The following RARB variants were observed in gnomAD, a reference collection of about 807,000 sequenced individuals.
RARB encodes the protein HBV-activated protein.
RARB carries 17 observed loss-of-function variants against 51.9 expected under a neutral mutation model. That is an observed-to-expected ratio of 0.33 (90% CI 0.22 to 0.49). RARB has a LOEUF of 0.49. Among genes scored for constraint, RARB ranks in the 20% least tolerant of loss-of-function variants. The pLI is 0.99. For synonymous variants in RARB, 215 were observed against 195.4 expected, an observed-to-expected ratio of 1.10 and a Z score of -0.84; for missense variants, 369 against 550.8, an observed-to-expected ratio of 0.67 and a Z score of 3.30.
intron 5 of RARB, among the ~76,000 whole-genome samples, chr3:25,407,155 C>T (rs1242194260): frequency 4.6e-5 from 7 of 152,268 alleles, no homozygotes; most frequent in East Asian, 3.9e-4. Context: ...AAAATGGCTT[C>T]GGCAGTTCCC....
intron 2 of RARB, among the ~76,000 whole-genome samples, chr3:24,950,769 A>T (rs1453179376): frequency 3.9e-5 from 6 of 152,112 alleles, no homozygotes; most frequent in Non-Finnish European, 5.9e-5. Context: ...TATAAATATT[A>T]TATAAGAGCT....
At chr3:24,966,949 C>T (rs895764425) in intron 2 of RARB, among the ~76,000 whole-genome samples, 9 of 152,088 alleles carry the variant, frequency 5.9e-5, no homozygotes, top group African/African-American at 1.9e-4. Context: ...ATACTTGGCT[C>T]GTCCTGGAAA....
At chr3:25,448,899 A>G (rs185507954) in intron 1 of RARB, among the ~76,000 whole-genome samples, 1 of 152,026 alleles carries the variant, frequency 6.6e-6, no homozygotes, top group East Asian at 1.9e-4. Context: ...CACCCCCGCA[A>G]TCCCCAGACA....
At chr3:25,172,694 C>G (rs1700668008) in intron 4 of RARB, among the ~76,000 whole-genome samples, 2 of 152,228 alleles carry the variant, frequency 1.3e-5, no homozygotes, top group South Asian at 4.2e-4. Flanking sequence ...CCCAAAACCT[C>G]TTGTCTATTC....
chr3:25,148,419 A>T (rs538726882), intron 4 of RARB, among the ~76,000 whole-genome samples: 1 of 152,342 alleles, frequency 6.6e-6, no homozygotes, highest in African/African-American at 2.4e-5. Context: ...TCATTGGATC[A>T]GGGGATTCTA....
intron 2 of RARB, among the ~76,000 whole-genome samples, chr3:24,878,386 C>T (rs756811919): frequency 6.6e-6 from 1 of 150,578 alleles, no homozygotes; most frequent in Non-Finnish European, 1.5e-5. Flanking sequence ...TGCTTGTTTT[C>T]GTTTCTCTTA....
In RARB at chr3:25,154,784, C is replaced by CA. The variant is rs1700347522; in HGVS notation, c.-279-19333dup. Among the ~76,000 whole-genome samples, 4 of 152,206 alleles carry CA rather than the reference C, an allele frequency of 2.6e-5. No homozygotes were observed. In the South Asian group the frequency reaches 8.3e-4, roughly 32 times the overall value. On this transcript the variant is annotated intron_variant, in intron 4 of 11. Transcript: ENST00000383772. ...GCCCAGTTCAGTTGTCACCTTTCCC[C>CA]AACCAGTCCTTTGTTGGCTAGGTGT... is the stretch of plus-strand genomic sequence containing the variant.
intron 2 of RARB, among the ~76,000 whole-genome samples, chr3:24,977,776 A>G (rs768378230): frequency 1.3e-4 from 20 of 152,160 alleles, no homozygotes; most frequent in Non-Finnish European, 2.9e-4. Context: ...CCTGGCCAGG[A>G]CTTCCAACAT....
At chr3:25,190,124 T>C (rs1701064715) in intron 5 of RARB, among the ~76,000 whole-genome samples, 1 of 151,938 alleles carries the variant, frequency 6.6e-6, no homozygotes, top group South Asian at 2.1e-4. Flanking sequence ...TATGAAGAAA[T>C]AAAGGTAAAT....
At chr3:24,958,952 C>A (rs1575091759) in intron 2 of RARB, among the ~76,000 whole-genome samples, 1 of 152,300 alleles carries the variant, frequency 6.6e-6, no homozygotes. Context: ...GGAGGGGGAT[C>A]ACACAGGTGA....
intron 2 of RARB, among the ~76,000 whole-genome samples, chr3:25,480,213 T>C (rs1696158297): frequency 6.6e-6 from 1 of 152,240 alleles, no homozygotes; most frequent in Non-Finnish European, 1.5e-5. Context: ...TAATAACATG[T>C]GAGCACTGGA....
intron 2 of RARB, among the ~76,000 whole-genome samples, chr3:24,906,896 C>A (rs1694879854): frequency 6.9e-6 from 1 of 144,980 alleles, no homozygotes; most frequent in Admixed American, 6.9e-5. Context: ...TCATATGAGT[C>A]AAATCACAAG....
intron 2 of RARB, among the ~76,000 whole-genome samples, chr3:25,023,996 G>A (rs1477005338): frequency 6.6e-6 from 1 of 152,062 alleles, no homozygotes; most frequent in Non-Finnish European, 1.5e-5. Context: ...TCCATATGTT[G>A]TTTTCTACAT....
chr3:25,469,463 A>G lies in RARB; in HGVS notation c.306+8122A>G, dbSNP rs567778133. ...CCCAAAGAACAAAATAACATATCCA[A>G]AACAATAACAAAAACAGGACACTCT... On this transcript the variant is annotated intron_variant, in intron 2 of 7. Transcript: ENST00000330688. 5.9e-5 allele frequency among the ~76,000 whole-genome samples: 9 copies of G among 152,300 alleles called. No individual in the cohort carries two copies. The South Asian group carries it at 1.9e-3, about 32-fold the overall frequency.
chr3:25,249,124 C>A (rs1386940015), intron 5 of RARB, among the ~76,000 whole-genome samples: 1 of 151,726 alleles, frequency 6.6e-6, no homozygotes, highest in Non-Finnish European at 1.5e-5. Context: ...ATTCTTCATT[C>A]TTTTTTATTC....
chr3:25,247,559 C>T (rs949804245), intron 5 of RARB, among the ~76,000 whole-genome samples: 37 of 152,248 alleles, frequency 2.4e-4, no homozygotes, highest in African/African-American at 8.9e-4. Flanking sequence ...TCACAGATTC[C>T]CTTGTCGAGG....
intron 2 of RARB, among the ~76,000 whole-genome samples, chr3:24,874,352 C>A (rs535020835): frequency 6.6e-6 from 1 of 151,924 alleles, no homozygotes. Flanking sequence ...TAATTTTGTT[C>A]TTCATTGGTG....
chr3:24,977,687 T>C (rs35910170), intron 2 of RARB, among the ~76,000 whole-genome samples: 5 of 152,104 alleles, frequency 3.3e-5, no homozygotes, highest in African/African-American at 1.2e-4. Context: ...TACACAATTA[T>C]GTCATCTGCA....
At chr3:25,467,366 A>C (rs1037168203) in intron 2 of RARB, among the ~76,000 whole-genome samples, 13 of 152,256 alleles carry the variant, frequency 8.5e-5, no homozygotes, top group African/African-American at 3.1e-4. Context: ...CAGGTGGTCT[A>C]GGACGGTCTC....
Sources: allele counts gnomAD v4.1 joint callset (sites outside exome capture counted in the v4.1 genomes callset), GRCh38; gene constraint gnomAD v4.1.1; transcripts MANE v1.5; gene names NCBI Gene and HGNC (gene_info 2026-07-23, HGNC 2026-07-21).